Variants in FGF11 observed in about 807,000 individuals in gnomAD.
FGF11 encodes the protein fibroblast growth factor homologous factor 3.
Under a neutral mutation model 25.1 loss-of-function variants are expected in FGF11, and 25 were observed. The ratio of observed to expected loss-of-function variants is 1.00; its 90% CI spans 0.73 to 1.39. FGF11 has a LOEUF of 1.39. Among genes scored for constraint, FGF11 ranks in the 40% most tolerant of loss-of-function variants. FGF11 has a pLI of 0.00. For missense variants in FGF11, 320 were observed against 311.0 expected (o/e 1.03, Z -0.22); for synonymous variants, 130 against 128.9 (o/e 1.01, Z -0.06).
At chr17:7,439,872 G>A in intron 1 of FGF11, 59 bp downstream of exon 1, 2 of 1,332,022 alleles carry the variant, frequency 1.5e-6, no homozygotes, top group Non-Finnish European at 1.9e-6. Context: ...GGAGATTGAG[G>A]CCAGGGACTC....
At position 7,443,661 on chromosome 17, in the gene FGF11, G is replaced by A. The variant is rs1908453330; in HGVS notation, c.*515G>A. 6.5e-6 allele frequency: 1 copy of A among 153,602 alleles called. No individual in the cohort carries two copies. Among genetic ancestry groups the A allele is most frequent in the Admixed American group, 6.4e-5 (1 of 15,520 alleles). 9.5% of individuals were successfully genotyped at this position (153,602 alleles called of 1,614,324 possible). Reference sequence around the variant, plus strand: ...CTCGCCAGGGCCACTTCTGCACTAGGGCTCTGTGCTGGAACCCAGGCATGC... The same window carrying A: ...CTCGCCAGGGCCACTTCTGCACTAGAGCTCTGTGCTGGAACCCAGGCATGC... On this transcript the variant is annotated 3_prime_UTR_variant, in exon 5 of 5. Transcript: ENST00000293829.
rs1908390372 is a variant in FGF11, at chr17:7,442,716, G to A, written c.531G>A (p.Lys177=). ...GGGCCTGGTACCTCGGCCTGGACAAGGAGGGCCAGGTCATGAAGGGAAACC... is the reference window on the plus strand; with the variant it reads ...GGGCCTGGTACCTCGGCCTGGACAAAGAGGGCCAGGTCATGAAGGGAAACC... ...SGRAWYLGLD[K]EGQVMKGNRV... The change falls in exon 4 of 5, where the codon AAG becomes AAA. Residue 177 remains lysine (K), a synonymous_variant. Coordinates refer to ENST00000293829, the MANE Select transcript of FGF11 (RefSeq NM_004112.4). The A allele has an allele frequency of 6.2e-7, 1 of 1,614,062 alleles. No individual in the cohort carries two copies. Among genetic ancestry groups the A allele is most frequent in the African/African-American group, 1.3e-5 (1 of 74,932 alleles).
At position 7,443,193 on chromosome 17, in the gene FGF11, C is replaced by A; in HGVS notation, c.*47C>A. 1.7e-6 allele frequency: 2 copies of A among 1,203,182 alleles called. No individual in the cohort carries two copies. Among genetic ancestry groups the A allele is most frequent in the Non-Finnish European group, 2.4e-6 (2 of 820,516 alleles). The allele number at this position is 1,203,182 out of a possible 1,614,324, so 74.5% of individuals were successfully genotyped here. A position where few individuals can be genotyped will look rare whatever the true frequency, so the allele number is the denominator to read the frequency against. Reference sequence around the variant, plus strand: ...GTTCCCTGCACTCCCAGTGAGCCAGCCACCACCACAACCTGTCTCCCAGTC... The same window carrying A: ...GTTCCCTGCACTCCCAGTGAGCCAGACACCACCACAACCTGTCTCCCAGTC... On this transcript the variant is annotated 3_prime_UTR_variant, in exon 5 of 5. Coordinates refer to ENST00000293829, the MANE Select transcript of FGF11 (RefSeq NM_004112.4).
At position 7,439,695 on chromosome 17, in the gene FGF11, G is replaced by C; in HGVS notation, c.75G>C (p.Ser25=). ...AGCCCGGGGGCAGCCGGCCGGTGTC[G>C]GCGCAGCGGCGCGTGTGTCCCCGCG... is the stretch of plus-strand genomic sequence containing the variant. ...VREPGGSRPV[S]AQRRVCPRGT... Residue 25 remains serine, a synonymous_variant, in exon 1 of 5, where the codon TCG becomes TCC. Transcript: ENST00000293829. The C allele has an allele frequency of 6.4e-7, 1 of 1,557,192 alleles. No individual in the cohort carries two copies. Among genetic ancestry groups the C allele is most frequent in the Non-Finnish European group, 8.6e-7 (1 of 1,157,760 alleles).
chr17:7,440,626 T>A lies in FGF11; in HGVS notation c.193+813T>A, dbSNP rs895872914. On this transcript the variant is annotated intron_variant, in intron 1 of 4. Transcript: ENST00000293829. The surrounding 1 kb of genome is among the most constrained non-coding windows in gnomAD (Gnocchi z 5.4). ...ATTGGTCCCCGTCCATGTACGACAG[T>A]CAGGGAGTCCCTCTGGCCCTGCTCC... The A allele has an allele frequency of 3.8e-5, 37 of 978,868 alleles. No homozygotes were observed. The African/African-American group carries it at 6.2e-4, about 16-fold the overall frequency. 60.6% of individuals were successfully genotyped at this position (978,868 alleles called of 1,614,324 possible).
chr17:7,442,414 T>G (rs1908370064), intron 3 of FGF11, 180 bp from the exon 4 acceptor site: 1 of 1,430,616 alleles, frequency 7.0e-7, no homozygotes, highest in South Asian at 1.4e-5. Flanking sequence ...CAGAGCCTAG[T>G]TCTTAGCCCT....
Position 7,444,846 on chromosome 17 carries a change from C to T in FGF11, c.*1700C>T, listed in dbSNP as rs940836914. 1 of 563,624 alleles carries T rather than the reference C, an allele frequency of 1.8e-6. No individual in the cohort carries two copies. Among genetic ancestry groups the T allele is most frequent in the African/African-American group, 1.9e-5 (1 of 53,152 alleles). The allele number at this position is 563,624 out of a possible 1,614,324, so 34.9% of individuals were successfully genotyped here. ...AGATGCCCCCTCACCCACACAAACC[C>T]CACTCAGTCTCCACCCAACTCCTGG... On this transcript the variant is annotated 3_prime_UTR_variant, in exon 5 of 5. Coordinates refer to ENST00000293829, the MANE Select transcript of FGF11 (RefSeq NM_004112.4).
At position 7,443,196 on chromosome 17, in the gene FGF11, C is replaced by A. The variant is rs762557980; in HGVS notation, c.*50C>A. 4.7e-5 allele frequency: 54 copies of A among 1,158,648 alleles called. No individual in the cohort carries two copies. The Admixed American group carries it at 9.8e-4, about 21-fold the overall frequency. The allele number at this position is 1,158,648 out of a possible 1,614,324, so 71.8% of individuals were successfully genotyped here. On this transcript the variant is annotated 3_prime_UTR_variant, in exon 5 of 5. Transcript: ENST00000293829. ...CCCTGCACTCCCAGTGAGCCAGCCA[C>A]CACCACAACCTGTCTCCCAGTCCTG...
chr17:7,443,109 T>C lies in FGF11; in HGVS notation c.641T>C (p.Val214Ala), dbSNP rs1449873654. Residue 214 changes from valine (V) to alanine (A), a missense_variant, in exon 5 of 5, where the codon GTC (valine) becomes GCC (alanine). Transcript: ENST00000293829. Reference protein sequence around the residue: ...AMYQEPSLHSVPEASPSSPPA... With the variant: ...AMYQEPSLHSAPEASPSSPPA... ...TACCAGGAGCCTTCTCTCCACAGTG[T>C]CCCCGAGGCCTCCCCTTCCAGTCCC... The C allele has an allele frequency of 6.2e-7, 1 of 1,612,454 alleles. No homozygotes were observed.
At chr17:7,442,458 G>A in intron 3 of FGF11, 136 bp from the exon 4 acceptor site, 1 of 1,527,380 alleles carries the variant, frequency 6.5e-7, no homozygotes. Context: ...TTGCTCCCAG[G>A]TCCTACATGG....
chr17:7,443,418 A>C lies in FGF11; in HGVS notation c.*272A>C. ...ACTTCTTTCTTTCCACACTCACACA[A>C]CGCCATGCCTTTTCCTGAGATGGCG... On this transcript the variant is annotated 3_prime_UTR_variant, in exon 5 of 5. Transcript: ENST00000293829. The C allele has an allele frequency of 1.2e-5, 5 of 405,356 alleles. No individual in the cohort carries two copies. Among genetic ancestry groups the C allele is most frequent in the South Asian group, 6.3e-5 (1 of 15,978 alleles). 25.1% of individuals were successfully genotyped at this position (405,356 alleles called of 1,614,324 possible).
chr17:7,441,253 T>A, intron 1 of FGF11: 1 of 559,280 alleles, frequency 1.8e-6, no homozygotes. Context: ...TAAATTACAC[T>A]GAAAGCTCCT....
Position 7,441,550 on chromosome 17 carries a change from C to T in FGF11, c.273C>T (p.Ile91=), listed in dbSNP as rs138573266. Residue 91 remains isoleucine, a synonymous_variant, in exon 2 of 5, where the codon ATC becomes ATT. Coordinates refer to ENST00000293829, the MANE Select transcript of FGF11 (RefSeq NM_004112.4). ...TCCAGGCGAATCCCGACGGAAGCAT[C>T]CAGGGCACCCCAGAGGATACCAGCT... is the stretch of plus-strand genomic sequence containing the variant. ...FYLQANPDGS[I]QGTPEDTSSF... is the part of the protein sequence containing the mutation. 1.4e-5 allele frequency: 22 copies of T among 1,614,086 alleles called. No individual in the cohort carries two copies. The highest frequency in any genetic ancestry group is 2.7e-5 in the African/African-American group (2 of 74,926).
Position 7,440,081 on chromosome 17 carries a change from T to G in FGF11, c.193+268T>G. On this transcript the variant is annotated intron_variant, in intron 1 of 4. Coordinates refer to ENST00000293829, the MANE Select transcript of FGF11 (RefSeq NM_004112.4). This position sits in a 1 kb window ranked among gnomAD's most constrained non-coding sequence, Gnocchi z 5.4. Reference sequence around the variant, plus strand: ...CCTCGTAGTTCCTGCTCGTCCCCCCTTCCCAACACAGCAGTCCCCACCCCC... The same window carrying G: ...CCTCGTAGTTCCTGCTCGTCCCCCCGTCCCAACACAGCAGTCCCCACCCCC... The G allele has an allele frequency of 2.8e-6, 1 of 362,944 alleles. No individual in the cohort carries two copies. The highest frequency in any genetic ancestry group is 4.9e-6 in the Non-Finnish European group (1 of 203,510). 22.5% of individuals were successfully genotyped at this position (362,944 alleles called of 1,614,324 possible). A position where few individuals can be genotyped will look rare whatever the true frequency, so the allele number is the denominator to read the frequency against.
intron 1 of FGF11, 86 bp from the exon 2 acceptor site, chr17:7,441,385 C>T (rs1016756271): frequency 1.3e-6 from 2 of 1,560,380 alleles, no homozygotes; most frequent in Non-Finnish European, 8.7e-7. Context: ...CTTTCATTCT[C>T]CTTTCTTCCC....
chr17:7,442,066 C>T (rs1908355056), intron 3 of FGF11, 187 bp downstream of exon 3: 2 of 537,472 alleles, frequency 3.7e-6, no homozygotes, highest in Non-Finnish European at 6.5e-6. Context: ...CCAGTCCCCA[C>T]TCCTTGCACA....
upstream of FGF11, chr17:7,439,334 A>C: frequency 2.9e-5 from 9 of 306,278 alleles, no homozygotes; most frequent in South Asian, 1.1e-4. Context: ...GAGAGGAGGG[A>C]AAGGGGACGT....
rs1567675093 is a variant in FGF11 at position 7,443,117 on chromosome 17, GC to G, written c.651del (p.Ser218ProfsTer11). 3.1e-6 allele frequency: 5 copies of G among 1,611,846 alleles called. No individual in the cohort carries two copies. In the East Asian group the frequency reaches 1.1e-4, roughly 36 times the overall value. Reference protein sequence around the residue: ...QEPSLHSVPEASPSSPPAP With the variant: ...QEPSLHSVPEXSPSSPPAP Reference sequence around the variant, plus strand: ...GCCTTCTCTCCACAGTGTCCCCGAGGCCTCCCCTTCCAGTCCCCCTGCCCCC... The same window carrying G: ...GCCTTCTCTCCACAGTGTCCCCGAGGCTCCCCTTCCAGTCCCCCTGCCCCC... On this transcript the variant is annotated frameshift_variant, in exon 5 of 5. Transcript: ENST00000293829. LOFTEE classifies it high-confidence loss of function.
chr17:7,441,100 CA>C (rs1253451714), intron 1 of FGF11: 1 of 350,862 alleles, frequency 2.9e-6, no homozygotes, highest in South Asian at 5.1e-5. Context: ...CCCACCTTCG[CA>C]AACACGCTGC....
Sources: allele counts gnomAD v4.1 joint callset, GRCh38; gene constraint gnomAD v4.1.1; non-coding constraint Gnocchi (gnomAD v3.1); transcripts MANE v1.5; gene names NCBI Gene and HGNC (gene_info 2026-07-23, HGNC 2026-07-21).